DNAH5: variants seen among roughly 807,000 people sequenced by gnomAD.
DNAH5 encodes dynein axonemal heavy chain 5, also known as axonemal beta dynein heavy chain 5.
A neutral mutation model predicts 518.2 loss-of-function variants in DNAH5; 372 were observed. The ratio of observed to expected loss-of-function variants is 0.72; its 90% CI spans 0.66 to 0.78. DNAH5 has a LOEUF of 0.78. Ranked by LOEUF, DNAH5 falls within the 30% of genes least tolerant of loss-of-function variation. The pLI, the probability that DNAH5 is intolerant of heterozygous loss-of-function variation, is 0.00. For missense variants in DNAH5, 5,523 were observed against 5,687.0 expected (o/e 0.97, Z 0.93); for synonymous variants, 2,039 against 2,025.9 (o/e 1.01, Z -0.17).
intron 35 of DNAH5, among the ~76,000 whole-genome samples, chr5:13,833,265 TC>T (rs1763934625): frequency 6.6e-6 from 1 of 151,740 alleles, no homozygotes; most frequent in Admixed American, 6.6e-5. Context: ...ATGGCAAAAT[TC>T]CATCTCTACT....
chr5:13,843,949 C>G (rs1765610759), intron 32 of DNAH5, among the ~76,000 whole-genome samples: 1 of 152,180 alleles, frequency 6.6e-6, no homozygotes, highest in African/African-American at 2.4e-5. Context: ...ATAAAACTGA[C>G]TTCAGCGTTG....
In DNAH5 at chr5:13,780,943, C is replaced by A; in HGVS notation, c.8837G>T (p.Arg2946Leu). 1 of 1,613,554 alleles carries A rather than the reference C, an allele frequency of 6.2e-7. No homozygotes were observed. Among genetic ancestry groups the A allele is most frequent in the Non-Finnish European group, 8.5e-7 (1 of 1,179,702 alleles). The stretch of plus-strand genomic sequence containing the variant: ...CAGGAGGGCATTTCCCTGAGGAGTA[C>A]GAATGACACGAGAGATCTGTAATAT... The part of the protein sequence containing the change: ...VHLVKISRVI[R>L]TPQGNALLVG... The change falls in exon 53 of 79, where the codon CGT (arginine) becomes CTT (leucine). Residue 2946 changes from arginine to leucine, a missense_variant. Arg to Leu is a moderately radical substitution (Grantham distance 102, BLOSUM62 -2). Coordinates refer to ENST00000265104, the MANE Select transcript of DNAH5 (RefSeq NM_001369.3).
At chr5:13,988,031 G>A (rs773362504) in intron 1 of DNAH5, among the ~76,000 whole-genome samples, 6 of 152,098 alleles carry the variant, frequency 3.9e-5, no homozygotes, top group Non-Finnish European at 7.4e-5. Context: ...GCCGCTAGGT[G>A]GTGAGCTTTC....
At chr5:13,977,301 G>A (rs1277097918) in intron 1 of DNAH5, among the ~76,000 whole-genome samples, 1 of 152,128 alleles carries the variant, frequency 6.6e-6, no homozygotes, top group African/African-American at 2.4e-5. Flanking sequence ...GGTTCTCCGG[G>A]ACCTCACTGG....
chr5:13,935,230 A>ATTT (rs1778814404), intron 1 of DNAH5, among the ~76,000 whole-genome samples: 1 of 152,218 alleles, frequency 6.6e-6, no homozygotes, highest in African/African-American at 2.4e-5. Flanking sequence ...CGTTCCAAAG[A>ATTT]ACACAGAGAT....
intron 8 of DNAH5, 46 bp downstream of exon 8, chr5:13,917,097 A>G: frequency 7.0e-7 from 1 of 1,435,036 alleles, no homozygotes; most frequent in Non-Finnish European, 9.8e-7. Flanking sequence ...CAGCTAGTGC[A>G]AAAAGGGTTA....
At chr5:13,861,216 G>A (rs1768370670) in intron 29 of DNAH5, among the ~76,000 whole-genome samples, 1 of 152,008 alleles carries the variant, frequency 6.6e-6, no homozygotes, top group African/African-American at 2.4e-5. Flanking sequence ...GTATATTATT[G>A]CCTGTCTATC....
intron 1 of DNAH5, among the ~76,000 whole-genome samples, chr5:13,973,458 C>T (rs116711011): frequency 0.014 from 2,100 of 152,286 alleles, 44 homozygotes; most frequent in African/African-American, 0.047. Flanking sequence ...TTCATAAGCT[C>T]GAACCCATGA....
At chr5:13,873,404 G>C (rs893210914) in intron 22 of DNAH5, among the ~76,000 whole-genome samples, 1 of 151,990 alleles carries the variant, frequency 6.6e-6, no homozygotes, top group African/African-American at 2.4e-5. Flanking sequence ...CCTAGATTTT[G>C]TGTCTGCCTC....
chr5:13,724,034 G>A (rs548025273), intron 70 of DNAH5, among the ~76,000 whole-genome samples: 23 of 152,306 alleles, frequency 1.5e-4, no homozygotes, highest in Admixed American at 1.4e-3. Context: ...GCAATCCCAG[G>A]GAAGGCCCCA....
Position 13,716,625 on chromosome 5 carries a change from G to A in DNAH5, c.12771C>T (p.Asp4257=), listed in dbSNP as rs200349959. Reference sequence around the variant, plus strand: ...TGTTCAACAATCTCTTATCATAGTCGTCAGTGACTCTGCCTCCATATTGAA... The same window carrying A: ...TGTTCAACAATCTCTTATCATAGTCATCAGTGACTCTGCCTCCATATTGAA... ...GEIQYGGRVT[D]DYDKRLLNTF... The change falls in exon 74 of 79, where the codon GAC becomes GAT. Residue 4257 remains aspartate, a synonymous_variant. Transcript: ENST00000265104. 2.2e-5 allele frequency: 35 copies of A among 1,613,604 alleles called. No individual in the cohort carries two copies. Among genetic ancestry groups the A allele is most frequent in the Middle Eastern group, 1.6e-4 (1 of 6,082 alleles).
chr5:13,878,564 T>G (rs1024967871), intron 21 of DNAH5, among the ~76,000 whole-genome samples: 1 of 152,152 alleles, frequency 6.6e-6, no homozygotes. Flanking sequence ...GCTCCCCTAG[T>G]GATAAGCCTA....
chr5:13,952,401 A>C (rs1710178559), intron 1 of DNAH5, among the ~76,000 whole-genome samples: 1 of 152,208 alleles, frequency 6.6e-6, no homozygotes, highest in Non-Finnish European at 1.5e-5. Flanking sequence ...AAATAGGCTC[A>C]GGGAGACATC....
chr5:13,705,184 C>T (rs535253907), intron 76 of DNAH5, among the ~76,000 whole-genome samples: 9 of 152,022 alleles, frequency 5.9e-5, no homozygotes, highest in Admixed American at 3.3e-4. Flanking sequence ...TTAGTAGAGA[C>T]GGGGTTTCAC....
In DNAH5 at chr5:13,751,381, A is replaced by G. The variant is rs368651566; in HGVS notation, c.11029-121T>C. 36 of 1,015,590 alleles carry G rather than the reference A, an allele frequency of 3.5e-5. No individual in the cohort carries two copies. The African/African-American group carries it at 5.3e-4, about 15-fold the overall frequency. 62.9% of individuals were successfully genotyped at this position (1,015,590 alleles called of 1,614,324 possible). On this transcript the variant is annotated intron_variant, in intron 64 of 78. Transcript: ENST00000265104. The stretch of plus-strand genomic sequence containing the variant: ...TAATTGGAGATCATTTGTATACTAA[A>G]AAAGAAATGGTCATGAGGCGTCTGC...
rs373538816 is a variant in DNAH5, at chr5:13,861,709, C to T, written c.4796+839G>A. Among the ~76,000 whole-genome samples, 18 of 152,190 alleles carry T rather than the reference C, an allele frequency of 1.2e-4. No individual in the cohort carries two copies. In the South Asian group the frequency reaches 3.3e-3, roughly 28 times the overall value. On this transcript the variant is annotated intron_variant, in intron 29 of 78. Coordinates refer to ENST00000265104, the MANE Select transcript of DNAH5 (RefSeq NM_001369.3). ...CAGTGGCTCATGCCTGTAATGCCAG[C>T]ATTTTGGGAGGCCAAGGCGGGCAGA...
At chr5:13,854,583 TAG>T (rs894805154) in intron 30 of DNAH5, among the ~76,000 whole-genome samples, 2 of 151,870 alleles carry the variant, frequency 1.3e-5, no homozygotes, top group African/African-American at 4.8e-5. Context: ...GCAAATTTAA[TAG>T]AGTCAAGATC....
intron 12 of DNAH5, among the ~76,000 whole-genome samples, chr5:13,910,544 T>A (rs570255684): frequency 6.6e-6 from 1 of 152,292 alleles, no homozygotes; most frequent in Admixed American, 6.5e-5. Context: ...GAGTGGCTAT[T>A]TTCCTCTTAT....
chr5:13,870,727 G>A lies in DNAH5; in HGVS notation c.3834+40C>T, dbSNP rs35621834. ...TATTTCAGCTAATAGCATCCAACATGTAGAAATATTTCTATAATGAACAAA... is the reference window on the plus strand; with the variant it reads ...TATTTCAGCTAATAGCATCCAACATATAGAAATATTTCTATAATGAACAAA... On this transcript the variant is annotated intron_variant, in intron 24 of 78. Transcript: ENST00000265104. 0.12 allele frequency: 189,669 copies of A among 1,546,678 alleles called. 12,573 individuals are homozygous for A. The highest frequency in any genetic ancestry group is 0.14 in the Non-Finnish European group (153,630 of 1,121,870).
Sources: allele counts gnomAD v4.1 joint callset (sites outside exome capture counted in the v4.1 genomes callset), GRCh38; gene constraint gnomAD v4.1.1; transcripts MANE v1.5; gene names NCBI Gene and HGNC (gene_info 2026-07-23, HGNC 2026-07-21).